Variants in NCOA6 observed in about 807,000 individuals in gnomAD.
The protein encoded by NCOA6 is NRC RAP250.
Under a neutral mutation model 171.4 loss-of-function variants are expected in NCOA6, and 49 were observed. That is an observed-to-expected ratio of 0.29 (90% CI 0.23 to 0.36). The LOEUF is 0.36. NCOA6 is among the 10% of genes least tolerant of loss of function. The probability of loss-of-function intolerance (pLI) is 1.00; values close to 1 mark genes in which losing one functional copy is unlikely to be tolerated. For synonymous variants in NCOA6, 910 were observed against 927.5 expected, an observed-to-expected ratio of 0.98 and a Z score of 0.34; for missense variants, 2,248 against 2,554.5, an observed-to-expected ratio of 0.88 and a Z score of 2.59.
At position 34,757,514 on chromosome 20, in the gene NCOA6, A is replaced by G; in HGVS notation, c.1234T>C (p.Ser412Pro). The change falls in exon 7 of 15, where the codon TCT becomes CCT. Residue 412 changes from serine to proline, a missense_variant. Ser to Pro is a moderately conservative substitution (Grantham distance 74). Transcript: ENST00000359003. ...PQMKSLQGGPSRVPTPLQQPH... is the reference protein window; with the variant it reads ...PQMKSLQGGPPRVPTPLQQPH... ...TGCTGCAAGGGAGTTGGGACCCTAG[A>G]GGGCCCTCCCTGCAAACTCTTCATC... is the stretch of plus-strand genomic sequence containing the variant. 1 of 1,613,876 alleles carries G rather than the reference A, an allele frequency of 6.2e-7. No homozygotes were observed.
intron 11 of NCOA6, among the ~76,000 whole-genome samples, chr20:34,739,453 G>A (rs1023628220): frequency 1.3e-5 from 2 of 152,172 alleles, no homozygotes; most frequent in African/African-American, 2.4e-5. Context: ...TGTTTCTACT[G>A]TGTCCATTAT....
In NCOA6 at chr20:34,729,100, G is replaced by A. The variant is rs566312347; in HGVS notation, c.6000-1693C>T. Reference sequence around the variant, plus strand: ...TGAGTAGCTGGGATTACAGGCATGCGCCACCACGCCTGGCTAATTTTTGTA... The same window carrying A: ...TGAGTAGCTGGGATTACAGGCATGCACCACCACGCCTGGCTAATTTTTGTA... On this transcript the variant is annotated intron_variant, in intron 13 of 14. Coordinates refer to ENST00000359003, the MANE Select transcript of NCOA6 (RefSeq NM_014071.5). Among the ~76,000 whole-genome samples, 7 of 152,180 alleles carry A rather than the reference G, an allele frequency of 4.6e-5. No homozygotes were observed. The East Asian group carries it at 7.7e-4, about 17-fold the overall frequency.
Position 34,741,290 on chromosome 20 carries a change from T to G in NCOA6, c.4966A>C (p.Ile1656Leu). ...GATGAATTGATAAAGACAGGTGTAA[T>G]GAACTGAGGCCGGGCATTAGACTGA... ...AAQSNARPQF[I>L]TPVFINSSSI... The change falls in exon 11 of 15, where the codon ATT (isoleucine) becomes CTT (leucine). Residue 1656 changes from isoleucine (I) to leucine (L), a missense_variant. By Grantham distance (5) the Ile-to-Leu change is conservative. Transcript: ENST00000359003. The G allele has an allele frequency of 6.2e-7, 1 of 1,614,184 alleles. No individual in the cohort carries two copies. Among genetic ancestry groups the G allele is most frequent in the South Asian group, 1.1e-5 (1 of 91,084 alleles).
At chr20:34,726,407 G>C (rs1321419961) in intron 14 of NCOA6, among the ~76,000 whole-genome samples, 1 of 152,202 alleles carries the variant, frequency 6.6e-6, no homozygotes, top group African/African-American at 2.4e-5. Flanking sequence ...AAAAAGAATA[G>C]AGTGGGAAAG....
rs768530867 is a variant in NCOA6, at chr20:34,741,765, G to A, written c.4491C>T (p.Asn1497=). ...TAATTGTCACATTGGGAGCTCCAGA[G>A]TTGTCAAGAAGTTGACTTAACGATG... The part of the protein sequence containing the change: ...APTSLSQLLD[N]SGAPNVTIKP... Residue 1497 remains asparagine (N), a synonymous_variant, in exon 11 of 15, where the codon AAC becomes AAT. Coordinates refer to ENST00000359003, the MANE Select transcript of NCOA6 (RefSeq NM_014071.5). The A allele has an allele frequency of 1.9e-6, 3 of 1,614,188 alleles. No individual in the cohort carries two copies. Among genetic ancestry groups the A allele is most frequent in the South Asian group, 2.2e-5 (2 of 91,076 alleles).
In NCOA6 at chr20:34,749,653, C is replaced by T. The variant is rs115620465; in HGVS notation, c.2542G>A (p.Gly848Ser). 4.0e-4 allele frequency: 643 copies of T among 1,614,158 alleles called. 3 individuals are homozygous for T. In the African/African-American group the frequency reaches 7.6e-3, roughly 19 times the overall value. ...GGTGCATTGAAAGACATCCCATGGC[C>T]TGAGAAGTGGTTTCCCGAGGCACTG... ...GNSASGNHFS[G>S]HGMSFNAPFS... Residue 848 changes from glycine to serine, a missense_variant, in exon 9 of 15, where the codon GGC becomes AGC. Physicochemically the swap from Gly to Ser is moderately conservative, Grantham distance 56 (BLOSUM62 0). Transcript: ENST00000359003.
chr20:34,798,798 T>C (rs1427045004), intron 1 of NCOA6, among the ~76,000 whole-genome samples: 7 of 152,162 alleles, frequency 4.6e-5, no homozygotes, highest in Non-Finnish European at 8.8e-5. Flanking sequence ...TAGATACAAA[T>C]GCAGTGACAA....
chr20:34,735,441 C>A (rs974991622), intron 12 of NCOA6, among the ~76,000 whole-genome samples: 7 of 152,062 alleles, frequency 4.6e-5, no homozygotes, highest in South Asian at 2.1e-4. Context: ...GTCAGGAGAT[C>A]GAGACCATCC....
intron 5 of NCOA6, among the ~76,000 whole-genome samples, chr20:34,761,065 T>C (rs2076801810): frequency 1.3e-5 from 2 of 152,080 alleles, no homozygotes; most frequent in Admixed American, 1.3e-4. Flanking sequence ...CTAGTAAAAA[T>C]ACAAAAATTA....
At chr20:34,820,845 G>A (rs1366289258) in intron 1 of NCOA6, 2 of 150,966 alleles carry the variant, frequency 1.3e-5, no homozygotes, top group African/African-American at 2.4e-5. Context: ...AACAACAAAG[G>A]ATTAATAATC....
In NCOA6 at chr20:34,740,449, T is replaced by A. The variant is rs201674304; in HGVS notation, c.5807A>T (p.Asn1936Ile). 2.9e-5 allele frequency: 47 copies of A among 1,614,198 alleles called. No homozygotes were observed. The East Asian group carries it at 3.3e-4, about 11-fold the overall frequency. ...TGACTCAGATGCTATGCCACCATGA[T>A]TGCTTTTTGTGGTCGGTACGGCGGA... Reference protein sequence around the residue: ...LISAVPTTKSNHGGIASESLA... With the variant: ...LISAVPTTKSIHGGIASESLA... Residue 1936 changes from asparagine (N) to isoleucine (I), a missense_variant, in exon 11 of 15, where the codon AAT becomes ATT. Coordinates refer to ENST00000359003, the MANE Select transcript of NCOA6 (RefSeq NM_014071.5).
rs773864523 is a variant in NCOA6 at position 34,741,017 on chromosome 20, G to T, written c.5239C>A (p.Pro1747Thr). ...GGGACAACTGGAGAAGACGTACAAG[G>T]AGGGGAAGGAAGCTGAACAGGGGTG... ...RATPVQLPSPPCTSSPVVPSH... is the reference protein window; with the variant it reads ...RATPVQLPSPTCTSSPVVPSH... Residue 1747 changes from proline (P) to threonine (T), a missense_variant, in exon 11 of 15, where the codon CCT becomes ACT. By Grantham distance (38) the Pro-to-Thr change is conservative. Coordinates refer to ENST00000359003, the MANE Select transcript of NCOA6 (RefSeq NM_014071.5). 5.6e-6 allele frequency: 9 copies of T among 1,614,250 alleles called. No homozygotes were observed. Among genetic ancestry groups the T allele is most frequent in the Non-Finnish European group, 7.6e-6 (9 of 1,180,042 alleles).
intron 13 of NCOA6, among the ~76,000 whole-genome samples, chr20:34,728,207 C>G (rs1986309064): frequency 6.6e-6 from 1 of 152,074 alleles, no homozygotes; most frequent in Admixed American, 6.6e-5. Flanking sequence ...CCGGTAGAGT[C>G]AGATAACAGC....
intron 1 of NCOA6, among the ~76,000 whole-genome samples, chr20:34,806,143 G>A (rs2078443183): frequency 6.6e-6 from 1 of 152,104 alleles, no homozygotes; most frequent in Non-Finnish European, 1.5e-5. Context: ...TTGTGGTTTT[G>A]ATTTGCATTT....
intron 8 of NCOA6, among the ~76,000 whole-genome samples, chr20:34,753,512 T>A (rs567950446): frequency 8.6e-5 from 13 of 151,766 alleles, no homozygotes; most frequent in African/African-American, 3.1e-4. Flanking sequence ...AATACAAAAA[T>A]TAGCCAGGCA....
chr20:34,805,980 C>T (rs918619880), intron 1 of NCOA6, among the ~76,000 whole-genome samples: 2 of 152,196 alleles, frequency 1.3e-5, no homozygotes, highest in African/African-American at 4.8e-5. Flanking sequence ...GCCACTGCGC[C>T]CAGCCCTCTT....
intron 11 of NCOA6, among the ~76,000 whole-genome samples, chr20:34,737,383 C>T (rs547945305): frequency 6.6e-6 from 1 of 152,324 alleles, no homozygotes; most frequent in South Asian, 2.1e-4. Context: ...CAAACTATAT[C>T]CTCTTGCACA....
At chr20:34,822,349 C>T (rs1455581514) in intron 1 of NCOA6, among the ~76,000 whole-genome samples, 1 of 152,146 alleles carries the variant, frequency 6.6e-6, no homozygotes, top group Non-Finnish European at 1.5e-5. Flanking sequence ...CATGCTTTCA[C>T]ACACATTCTA....
intron 1 of NCOA6, among the ~76,000 whole-genome samples, chr20:34,808,617 T>C (rs2078543505): frequency 6.6e-6 from 1 of 152,100 alleles, no homozygotes; most frequent in Non-Finnish European, 1.5e-5. Context: ...TTTGTATTTT[T>C]AGTAGAGACA....
Sources: allele counts gnomAD v4.1 joint callset (sites outside exome capture counted in the v4.1 genomes callset), GRCh38; gene constraint gnomAD v4.1.1; transcripts MANE v1.5; gene names NCBI Gene and HGNC (gene_info 2026-07-23, HGNC 2026-07-21).